The following ENAM variants were observed in gnomAD, a reference collection of about 807,000 sequenced individuals.
The protein encoded by ENAM is amelogenesis imperfecta 2, hypocalcification (autosomal dominant).
In ENAM, 21 loss-of-function variants were observed where a neutral mutation model predicts 33.6. That is an observed-to-expected ratio of 0.63 (90% CI 0.44 to 0.90). ENAM has a LOEUF of 0.90. ENAM is among the 40% of genes least tolerant of loss of function. The pLI is 0.00. For missense variants in ENAM, 1,388 were observed against 1,366.9 expected (o/e 1.02, Z -0.24); for synonymous variants, 473 against 468.4 (o/e 1.01, Z -0.13).
In ENAM at chr4:70,643,300, A is replaced by T. The variant is rs1738652075; in HGVS notation, c.1874A>T (p.Asp625Val). 6.2e-7 allele frequency: 1 copy of T among 1,613,972 alleles called. No homozygotes were observed. The highest frequency in any genetic ancestry group is 1.3e-5 in the African/African-American group (1 of 75,024). ...GGCAATACATGGGATGAGAGAGATG[A>T]TTCTCCCAATACTATGGGGCAAAAA... The part of the protein sequence containing the change: ...LRGNTWDERD[D>V]SPNTMGQKES... Residue 625 changes from aspartate (D) to valine (V), a missense_variant, in exon 9 of 9, where the codon GAT (aspartate) becomes GTT (valine). Coordinates refer to ENST00000396073, the MANE Select transcript of ENAM (RefSeq NM_031889.3).
At chr4:70,633,296 A>AT (rs1400742685) in intron 5 of ENAM, among the ~76,000 whole-genome samples, 2 of 152,072 alleles carry the variant, frequency 1.3e-5, no homozygotes, top group Non-Finnish European at 2.9e-5. Flanking sequence ...GACTACATCC[A>AT]TTTTTTTGTA....
intron 7 of ENAM, 33 bp from the exon 8 acceptor site, chr4:70,637,757 T>A: frequency 6.3e-7 from 1 of 1,590,218 alleles, no homozygotes; most frequent in East Asian, 2.2e-5. Context: ...AACGTGGTTT[T>A]CTCCTGTGTT....
Position 70,643,072 on chromosome 4 carries a change from C to G in ENAM, c.1646C>G (p.Pro549Arg). The change falls in exon 9 of 9, where the codon CCT (proline) becomes CGT (arginine). Residue 549 changes from proline to arginine, a missense_variant. By Grantham distance (103) the Pro-to-Arg change is moderately radical. Coordinates refer to ENST00000396073, the MANE Select transcript of ENAM (RefSeq NM_031889.3). ...KHSSYQPAVY[P>R]EEIPSPAKEH... ...AGCTCATATCAGCCTGCTGTATACC[C>G]TGAGGAAATCCCTTCTCCTGCAAAA... is the stretch of plus-strand genomic sequence containing the variant. 1 of 1,613,956 alleles carries G rather than the reference C, an allele frequency of 6.2e-7. No individual in the cohort carries two copies. The highest frequency in any genetic ancestry group is 8.5e-7 in the Non-Finnish European group (1 of 1,179,976).
Position 70,642,906 on chromosome 4 carries a change from T to A in ENAM, c.1480T>A (p.Ser494Thr). The change falls in exon 9 of 9, where the codon TCC (serine) becomes ACC (threonine). Residue 494 changes from serine to threonine, a missense_variant. Ser to Thr is a moderately conservative substitution (Grantham distance 58, BLOSUM62 1). Transcript: ENST00000396073. ...TAATTCTGTTGATCAACATGAAAACTCCTATTACCCAAGAGGAGATTCCAG... is the reference window on the plus strand; with the variant it reads ...TAATTCTGTTGATCAACATGAAAACACCTATTACCCAAGAGGAGATTCCAG... ...NFNSVDQHENSYYPRGDSRKV... is the reference protein window; with the variant it reads ...NFNSVDQHENTYYPRGDSRKV... 6.2e-7 allele frequency: 1 copy of A among 1,613,984 alleles called. No homozygotes were observed.
At position 70,637,788 on chromosome 4, in the gene ENAM, A is replaced by G. The variant is rs1577970431; in HGVS notation, c.535-2A>G. ...GTGTTCACTGTGTTTTTCACTTCTC[A>G]GAGGTTACCACCACCAGGTTATGGA... is the stretch of plus-strand genomic sequence containing the variant. On this transcript the variant is annotated splice_acceptor_variant, in intron 7 of 8. Transcript: ENST00000396073. LOFTEE classifies it high-confidence loss of function. The G allele has an allele frequency of 6.2e-7, 1 of 1,613,284 alleles. No homozygotes were observed. Among genetic ancestry groups the G allele is most frequent in the Non-Finnish European group, 8.5e-7 (1 of 1,179,242 alleles).
intron 8 of ENAM, 46 bp from the exon 9 acceptor site, chr4:70,641,969 G>C: frequency 7.0e-7 from 1 of 1,436,078 alleles, no homozygotes; most frequent in Non-Finnish European, 9.8e-7. Context: ...CAACACCATG[G>C]TGGGAAACAA....
intron 6 of ENAM, among the ~76,000 whole-genome samples, chr4:70,635,219 A>G (rs371824382): frequency 6.6e-6 from 1 of 152,166 alleles, no homozygotes; most frequent in Non-Finnish European, 1.5e-5. Flanking sequence ...TCTACTAAAA[A>G]TACAAAAAGT....
Position 70,645,237 on chromosome 4 carries a change from A to ACGC in ENAM, c.*382_*383insCGC. On this transcript the variant is annotated 3_prime_UTR_variant, in exon 9 of 9. Coordinates refer to ENST00000396073, the MANE Select transcript of ENAM (RefSeq NM_031889.3). ...GGCAGATTAACTTTCCATTCTACTTATGGAGATCCACACATCAGTATAGTC... is the reference window on the plus strand; with the variant it reads ...GGCAGATTAACTTTCCATTCTACTTACGCTGGAGATCCACACATCAGTATAGTC... 1 of 380,050 alleles carries ACGC rather than the reference A, an allele frequency of 2.6e-6. No individual in the cohort carries two copies. The highest frequency in any genetic ancestry group is 4.9e-6 in the Non-Finnish European group (1 of 205,998). 23.5% of individuals were successfully genotyped at this position (380,050 alleles called of 1,614,324 possible). A position where few individuals can be genotyped will look rare whatever the true frequency, so the allele number is the denominator to read the frequency against.
In ENAM at chr4:70,642,020, T is replaced by C. The variant is rs771572591; in HGVS notation, c.594T>C (p.Pro198=). 1 of 1,611,694 alleles carries C rather than the reference T, an allele frequency of 6.2e-7. No homozygotes were observed. The highest frequency in any genetic ancestry group is 2.2e-5 in the East Asian group (1 of 44,874). The change falls in exon 9 of 9, where the codon CCT becomes CCC. Residue 198 remains proline (P), a synonymous_variant. Transcript: ENST00000396073. ...TTCCATTTTCTTTCCTACAGAATCC[T>C]TACTTTGGATATTTTGGATATCATG... The part of the protein sequence containing the change: ...PPISNEEGGN[P]YFGYFGYHGF...
Position 70,644,921 on chromosome 4 carries a change from A to G in ENAM, c.*66A>G, listed in dbSNP as rs182250282. 7.0e-6 allele frequency: 10 copies of G among 1,427,244 alleles called. No individual in the cohort carries two copies. The highest frequency in any genetic ancestry group is 2.3e-5 in the South Asian group (2 of 85,702). The allele number at this position is 1,427,244 out of a possible 1,614,324, so 88.4% of individuals were successfully genotyped here. A position where few individuals can be genotyped will look rare whatever the true frequency, so the allele number is the denominator to read the frequency against. On this transcript the variant is annotated 3_prime_UTR_variant, in exon 9 of 9. Coordinates refer to ENST00000396073, the MANE Select transcript of ENAM (RefSeq NM_031889.3). ...TGACATTCTATACCAATGGTTCCCA[A>G]AATTTTTTCCCCAAGACTTAATTAA...
Position 70,642,784 on chromosome 4 carries a change from A to G in ENAM, c.1358A>G (p.Asn453Ser). The G allele has an allele frequency of 1.2e-6, 2 of 1,613,744 alleles. No individual in the cohort carries two copies. Among genetic ancestry groups the G allele is most frequent in the Non-Finnish European group, 1.7e-6 (2 of 1,179,914 alleles). ...PKEQIIVPTK[N>S]PTSPWRNSQQ... is the part of the protein sequence containing the mutation. ...GAACAAATAATAGTTCCTACAAAGA[A>G]TCCAACCAGCCCCTGGAGAAACTCT... The change falls in exon 9 of 9, where the codon AAT becomes AGT. Residue 453 changes from asparagine to serine, a missense_variant. Transcript: ENST00000396073.
Position 70,643,619 on chromosome 4 carries a change from T to G in ENAM, c.2193T>G (p.Tyr731Ter), listed in dbSNP as rs749603130. The change falls in exon 9 of 9, where the codon TAT becomes TAG. Residue 731 changes from tyrosine (Y) to a stop codon, truncating the protein, a stop_gained. Transcript: ENST00000396073. LOFTEE classifies it low-confidence loss of function (END_TRUNC). Reference protein sequence around the residue: ...PWSPDENFPSYNTASTMPPPI... With the variant: ...PWSPDENFPS ...GCCCGGATGAGAATTTTCCATCATA[T>G]AATACAGCTTCTACTATGCCACCAC... is the stretch of plus-strand genomic sequence containing the variant. The G allele has an allele frequency of 6.2e-7, 1 of 1,614,132 alleles. No homozygotes were observed. The highest frequency in any genetic ancestry group is 1.7e-5 in the Admixed American group (1 of 60,020).
Position 70,645,775 on chromosome 4 carries a change from G to A in ENAM, c.*920G>A, listed in dbSNP as rs1167756020. ...ATATATTTTGGAAATGGTAGACACTGATAGCTACTTTGTTTTTAGTTATCT... is the reference window on the plus strand; with the variant it reads ...ATATATTTTGGAAATGGTAGACACTAATAGCTACTTTGTTTTTAGTTATCT... On this transcript the variant is annotated 3_prime_UTR_variant, in exon 9 of 9. Coordinates refer to ENST00000396073, the MANE Select transcript of ENAM (RefSeq NM_031889.3). 6.6e-6 allele frequency: 1 copy of A among 152,140 alleles called. No individual in the cohort carries two copies. Among genetic ancestry groups the A allele is most frequent in the Admixed American group, 6.5e-5 (1 of 15,280 alleles). The allele number at this position is 152,140 out of a possible 1,614,324, so 9.4% of individuals were successfully genotyped here.
chr4:70,645,239 G>GATACGGCGCCCACC lies in ENAM; in HGVS notation c.*384_*385insATACGGCGCCCACC. On this transcript the variant is annotated 3_prime_UTR_variant, in exon 9 of 9. Transcript: ENST00000396073. ...CAGATTAACTTTCCATTCTACTTAT[G>GATACGGCGCCCACC]GAGATCCACACATCAGTATAGTCCT... The GATACGGCGCCCACC allele has an allele frequency of 1.5e-4, 43 of 282,956 alleles. No homozygotes were observed. The highest frequency in any genetic ancestry group is 1.1e-3 in the Middle Eastern group (1 of 940). 17.5% of individuals were successfully genotyped at this position (282,956 alleles called of 1,614,324 possible).
rs758914802 is a variant in ENAM, at chr4:70,634,544, C to T, written c.447C>T (p.Pro149=). ...AGCCATCACATAATCAACCTCAGCCCGAAGAGGAAGCTCAACCCCCTCAGG... is the reference window on the plus strand; with the variant it reads ...AGCCATCACATAATCAACCTCAGCCTGAAGAGGAAGCTCAACCCCCTCAGG... ...LKQPSHNQPQ[P]EEEAQPPQAF... is the part of the protein sequence containing the mutation. The change falls in exon 6 of 9, where the codon CCC becomes CCT. Residue 149 remains proline, a synonymous_variant. Transcript: ENST00000396073. 3.7e-6 allele frequency: 6 copies of T among 1,613,930 alleles called. No homozygotes were observed. The highest frequency in any genetic ancestry group is 4.2e-6 in the Non-Finnish European group (5 of 1,180,004).
chr4:70,637,693 T>C, intron 7 of ENAM, 97 bp from the exon 8 acceptor site: 1 of 897,786 alleles, frequency 1.1e-6, no homozygotes, highest in Non-Finnish European at 1.9e-6. Flanking sequence ...AGCTCAATCA[T>C]TGACTTGAGC....
In ENAM at chr4:70,629,472, A is replaced by G; in HGVS notation, c.-29A>G. On this transcript the variant is annotated 5_prime_UTR_variant, in exon 2 of 9. Coordinates refer to ENST00000396073, the MANE Select transcript of ENAM (RefSeq NM_031889.3). ...CTCAGGTTAAAGCTGTATTTTTCTT[A>G]AAGGCTTATAAAAATTTTGCTGAAA... 6.3e-7 allele frequency: 1 copy of G among 1,586,716 alleles called. No individual in the cohort carries two copies. Among genetic ancestry groups the G allele is most frequent in the East Asian group, 2.2e-5 (1 of 44,718 alleles).
At chr4:70,641,490 C>T (rs147513464) in intron 8 of ENAM, among the ~76,000 whole-genome samples, 28 of 151,140 alleles carry the variant, frequency 1.9e-4, no homozygotes, top group African/African-American at 6.1e-4. Context: ...TGGGTTCAGG[C>T]GATTCTCCTG....
At position 70,643,192 on chromosome 4, in the gene ENAM, A is replaced by T. The variant is rs1204332309; in HGVS notation, c.1766A>T (p.His589Leu). ...DPGRQEEHLP[H>L]PSHGSRGSVF... Reference sequence around the variant, plus strand: ...GGGAGGCAAGAAGAACATTTACCCCATCCTTCCCATGGTTCTAGAGGAAGT... The same window carrying T: ...GGGAGGCAAGAAGAACATTTACCCCTTCCTTCCCATGGTTCTAGAGGAAGT... The change falls in exon 9 of 9, where the codon CAT becomes CTT. Residue 589 changes from histidine to leucine, a missense_variant. Physicochemically the swap from His to Leu is moderately conservative, Grantham distance 99. Transcript: ENST00000396073. 1.2e-6 allele frequency: 2 copies of T among 1,613,832 alleles called. No individual in the cohort carries two copies. Among genetic ancestry groups the T allele is most frequent in the Admixed American group, 3.3e-5 (2 of 60,010 alleles).
Sources: gnomAD v4.1 joint callset for allele counts (sites outside exome capture counted in the v4.1 genomes callset) on GRCh38, gnomAD v4.1.1 for gene constraint, MANE v1.5 for transcripts, NCBI Gene and HGNC (gene_info 2026-07-23, HGNC 2026-07-21) for gene names.